DIAPH3: variants seen among roughly 807,000 people sequenced by gnomAD.
DIAPH3 encodes protein diaphanous homolog 3.
DIAPH3 carries 117 observed loss-of-function variants against 144.3 expected under a neutral mutation model. That is an observed-to-expected ratio of 0.81 (90% CI 0.70 to 0.95). The LOEUF (loss-of-function observed/expected upper bound fraction) is 0.95, where lower values mean the gene tolerates loss of function less well. Among genes scored for constraint, DIAPH3 ranks in the 40% least tolerant of loss-of-function variants. The pLI is 0.00. For missense variants in DIAPH3, 1,421 were observed against 1,412.7 expected, an observed-to-expected ratio of 1.01 and a Z score of -0.09; for synonymous variants, 519 against 488.9, an observed-to-expected ratio of 1.06 and a Z score of -0.81.
chr13:59,792,700 T>C (rs1189013558), intron 25 of DIAPH3, among the ~76,000 whole-genome samples: 1 of 152,218 alleles, frequency 6.6e-6, no homozygotes, highest in Non-Finnish European at 1.5e-5. Context: ...CTGGCACCAC[T>C]GTTTTCATAT....
At chr13:59,897,489 C>T (rs2046175979) in intron 20 of DIAPH3, among the ~76,000 whole-genome samples, 1 of 151,890 alleles carries the variant, frequency 6.6e-6, no homozygotes, top group Non-Finnish European at 1.5e-5. Flanking sequence ...GTGGCTCACG[C>T]CTGTAATCCC....
At chr13:59,677,231 G>A (rs2032692048) in intron 27 of DIAPH3, among the ~76,000 whole-genome samples, 1 of 151,840 alleles carries the variant, frequency 6.6e-6, no homozygotes, top group Admixed American at 6.6e-5. Flanking sequence ...GGAACACTTT[G>A]GAGTAATATT....
chr13:59,972,128 A>C (rs1182951796), intron 15 of DIAPH3, among the ~76,000 whole-genome samples: 3 of 152,208 alleles, frequency 2.0e-5, no homozygotes, highest in African/African-American at 7.2e-5. Flanking sequence ...GCTATGGAAG[A>C]AATGCGTAGG....
chr13:59,900,726 T>C (rs2046382193), intron 20 of DIAPH3, among the ~76,000 whole-genome samples: 1 of 152,184 alleles, frequency 6.6e-6, no homozygotes, highest in African/African-American at 2.4e-5. Context: ...ATGTGACCTG[T>C]ATGCTATTGG....
At chr13:60,118,290 G>A (rs370817848) in intron 2 of DIAPH3, among the ~76,000 whole-genome samples, 1 of 152,240 alleles carries the variant, frequency 6.6e-6, no homozygotes, top group South Asian at 2.1e-4. Context: ...TGAAAACTCA[G>A]TGTTTAAGGT....
intron 14 of DIAPH3, among the ~76,000 whole-genome samples, chr13:59,979,725 C>A (rs571705366): frequency 1.1e-4 from 17 of 151,620 alleles, no homozygotes; most frequent in Non-Finnish European, 2.2e-4. Flanking sequence ...GCAACTGCCT[C>A]AAGATACATT....
chr13:60,124,584 A>G (rs2058936876), intron 2 of DIAPH3, among the ~76,000 whole-genome samples: 2 of 152,148 alleles, frequency 1.3e-5, no homozygotes, highest in Non-Finnish European at 2.9e-5. Context: ...AATGGCTATG[A>G]TACAATTTCT....
intron 21 of DIAPH3, among the ~76,000 whole-genome samples, chr13:59,870,351 A>T (rs184645087): frequency 2.6e-5 from 4 of 151,878 alleles, no homozygotes; most frequent in African/African-American, 9.7e-5. Flanking sequence ...CCTTTGGCCA[A>T]TACCACAATA....
At chr13:60,110,930 C>T (rs2058549883) in intron 3 of DIAPH3, among the ~76,000 whole-genome samples, 1 of 152,184 alleles carries the variant, frequency 6.6e-6, no homozygotes, top group African/African-American at 2.4e-5. Flanking sequence ...TCAGTACTTT[C>T]TAGGTAGTTG....
intron 23 of DIAPH3, among the ~76,000 whole-genome samples, chr13:59,836,583 T>G (rs1490645571): frequency 1.3e-5 from 2 of 151,782 alleles, no homozygotes; most frequent in Non-Finnish European, 3.0e-5. Flanking sequence ...ACAGAAAGAA[T>G]AAAAATACAA....
chr13:60,136,894 T>C (rs913532733), intron 1 of DIAPH3, among the ~76,000 whole-genome samples: 19 of 151,976 alleles, frequency 1.3e-4, no homozygotes, highest in South Asian at 6.2e-4. Context: ...GAGCCGAGAT[T>C]GTGCCACTGC....
intron 20 of DIAPH3, among the ~76,000 whole-genome samples, chr13:59,884,850 T>A (rs1315052902): frequency 6.6e-6 from 1 of 151,772 alleles, no homozygotes; most frequent in Non-Finnish European, 1.5e-5. Flanking sequence ...AAACTGTTTT[T>A]AAAATAAATG....
chr13:60,011,952 T>C (rs1287777789), intron 7 of DIAPH3, among the ~76,000 whole-genome samples: 1 of 151,916 alleles, frequency 6.6e-6, no homozygotes, highest in African/African-American at 2.4e-5. Flanking sequence ...AGAAGATGAA[T>C]AGAAACAATA....
Position 59,714,616 on chromosome 13 carries a change from C to T in DIAPH3, c.3320-47770G>A, listed in dbSNP as rs146211157. Among the ~76,000 whole-genome samples the T allele has an allele frequency of 5.3e-4, 80 of 151,546 alleles. No homozygotes were observed. In the East Asian group the frequency reaches 0.013, roughly 25 times the overall value. ...TTATAACTTTACCTTTTTTTTGTCC[C>T]CCCTTCCTCTAATAAGATGCCACAT... On this transcript the variant is annotated intron_variant, in intron 27 of 27. Transcript: ENST00000400324.
At chr13:59,676,873 T>C (rs1290668250) in intron 27 of DIAPH3, among the ~76,000 whole-genome samples, 2 of 152,166 alleles carry the variant, frequency 1.3e-5, no homozygotes, top group East Asian at 1.9e-4. Flanking sequence ...ATAACTGTTT[T>C]ATAACAAAAT....
At chr13:60,120,509 C>T (rs1038656631) in intron 2 of DIAPH3, among the ~76,000 whole-genome samples, 6 of 152,268 alleles carry the variant, frequency 3.9e-5, no homozygotes, top group African/African-American at 1.4e-4. Context: ...TTACTGTTCC[C>T]TCCCTACCAA....
Position 59,666,579 on chromosome 13 carries a change from T to C in DIAPH3, c.*5A>G, listed in dbSNP as rs748500900. On this transcript the variant is annotated 3_prime_UTR_variant, in exon 28 of 28. Coordinates refer to ENST00000400324, the MANE Select transcript of DIAPH3 (RefSeq NM_001042517.2). Reference sequence around the variant, plus strand: ...TTAATCATTTTTTTTAAAAACCAGTTTAACTTATAAAGCTCGTAATCTTGC... The same window carrying C: ...TTAATCATTTTTTTTAAAAACCAGTCTAACTTATAAAGCTCGTAATCTTGC... 7 of 1,613,964 alleles carry C rather than the reference T, an allele frequency of 4.3e-6. No homozygotes were observed. In the South Asian group the frequency reaches 6.6e-5, roughly 15 times the overall value.
At chr13:59,855,476 A>T (rs1292695847) in intron 22 of DIAPH3, among the ~76,000 whole-genome samples, 1 of 152,016 alleles carries the variant, frequency 6.6e-6, no homozygotes, top group Non-Finnish European at 1.5e-5. Flanking sequence ...ATTAACATTA[A>T]AATTATTTTA....
chr13:60,088,217 T>G (rs2057813672), intron 4 of DIAPH3, among the ~76,000 whole-genome samples: 1 of 101,160 alleles, frequency 9.9e-6, no homozygotes, highest in South Asian at 2.9e-4. Flanking sequence ...GATAAGCAAA[T>G]GTTCATCTCT....
Sources: gnomAD v4.1 joint callset for allele counts (sites outside exome capture counted in the v4.1 genomes callset) on GRCh38, gnomAD v4.1.1 for gene constraint, MANE v1.5 for transcripts, NCBI Gene and HGNC (gene_info 2026-07-23, HGNC 2026-07-21) for gene names.